PSD2: variants seen among roughly 807,000 people sequenced by gnomAD.
PSD2 encodes the protein PH and SEC7 domain-containing protein 2.
A neutral mutation model predicts 69.8 loss-of-function variants in PSD2; 38 were observed. The ratio of observed to expected loss-of-function variants is 0.54; its 90% CI spans 0.42 to 0.71. PSD2 has a LOEUF of 0.71. PSD2 is among the 30% of genes least tolerant of loss of function. PSD2 has a pLI of 0.00. For missense variants in PSD2, 943 were observed against 1,014.5 expected (o/e 0.93, Z 0.96); for synonymous variants, 412 against 423.0 (o/e 0.97, Z 0.32).
At chr5:139,834,818 C>T (rs931239144) in intron 8 of PSD2, among the ~76,000 whole-genome samples, 1 of 152,002 alleles carries the variant, frequency 6.6e-6, no homozygotes, top group Non-Finnish European at 1.5e-5. Flanking sequence ...CTATCCATTT[C>T]TCCCAAACTA....
chr5:139,789,996 G>T, the PSD2 span, among the ~76,000 whole-genome samples: 5 of 152,086 alleles, frequency 3.3e-5, no homozygotes, highest in African/African-American at 1.2e-4. Context: ...CACGGGGCCG[G>T]GCGGGCGCTG....
intron 2 of PSD2, among the ~76,000 whole-genome samples, chr5:139,810,858 G>A (rs1464078690): frequency 6.6e-6 from 1 of 152,126 alleles, no homozygotes; most frequent in Non-Finnish European, 1.5e-5. Context: ...CTTTACTTGG[G>A]ATGGCGAGGC....
chr5:139,797,680 A>G (rs1759565402), intron 1 of PSD2, among the ~76,000 whole-genome samples: 1 of 152,152 alleles, frequency 6.6e-6, no homozygotes, highest in Non-Finnish European at 1.5e-5. Context: ...GCTTCCACAT[A>G]TGGAGCATAT....
At chr5:139,838,813 C>T (rs1760802808) in intron 13 of PSD2, 41 bp downstream of exon 13, 1 of 1,593,018 alleles carries the variant, frequency 6.3e-7, no homozygotes, top group East Asian at 2.2e-5. Flanking sequence ...CCCAGGCTGC[C>T]ATCCTCAGCC....
intron 1 of PSD2, among the ~76,000 whole-genome samples, chr5:139,796,568 T>G (rs541309877): frequency 1.3e-5 from 2 of 152,142 alleles, no homozygotes; most frequent in East Asian, 3.9e-4. Context: ...AGGAGGCACA[T>G]AATGGCCGAG....
At chr5:139,754,625 A>T in the PSD2 span, among the ~76,000 whole-genome samples, 1 of 152,108 alleles carries the variant, frequency 6.6e-6, no homozygotes, top group Non-Finnish European at 1.5e-5. Context: ...TGATCCCAGG[A>T]GGTGGAGGCT....
rs1321585308 is a variant in PSD2, at chr5:139,837,205, A to C, written c.1632A>C (p.Ala544=). ...RGRRGWKKFY[A]VLKGTILYLQ... is the part of the protein sequence containing the mutation. ...GGCGTGGCTGGAAGAAATTCTACGC[A>C]GTGCTCAAAGGGACCATCCTGTACC... Residue 544 remains alanine (A), a synonymous_variant, in exon 11 of 15, where the codon GCA becomes GCC. Transcript: ENST00000274710. The surrounding 1 kb of genome is among the most constrained non-coding windows in gnomAD (Gnocchi z 5.0). 6.2e-7 allele frequency: 1 copy of C among 1,614,022 alleles called. No individual in the cohort carries two copies.
the PSD2 span, among the ~76,000 whole-genome samples, chr5:139,768,929 G>A: frequency 3.9e-4 from 59 of 152,246 alleles, no homozygotes; most frequent in South Asian, 8.5e-3. Flanking sequence ...GTGAACTCAT[G>A]CGTTCAGTCA....
At chr5:139,828,928 C>T (rs553635455) in intron 7 of PSD2, among the ~76,000 whole-genome samples, 4 of 150,140 alleles carry the variant, frequency 2.7e-5, no homozygotes, top group Non-Finnish European at 4.4e-5. Context: ...TGGTTGGACC[C>T]GCTGTGACTT....
chr5:139,809,578 A>G lies in PSD2; in HGVS notation c.138A>G (p.Pro46=). 1 of 1,614,168 alleles carries G rather than the reference A, an allele frequency of 6.2e-7. No homozygotes were observed. Among genetic ancestry groups the G allele is most frequent in the South Asian group, 1.1e-5 (1 of 91,078 alleles). ...SEGLNSSLCS[P]GHERRGTPAD... ...GCCTGAACAGCAGCCTCTGCAGCCC[A>G]GGGCACGAGCGAAGGGGCACCCCAG... The change falls in exon 2 of 15, where the codon CCA becomes CCG. Residue 46 remains proline (P), a synonymous_variant. Coordinates refer to ENST00000274710, the MANE Select transcript of PSD2 (RefSeq NM_032289.4).
intron 7 of PSD2, among the ~76,000 whole-genome samples, chr5:139,824,394 GT>G (rs3055525): frequency 1.6e-3 from 196 of 119,412 alleles, no homozygotes; most frequent in East Asian, 3.2e-3. Context: ...TCTCTCTCTT[GT>G]TTTTTTTTTT....
At chr5:139,832,883 T>G (rs1215699148) in intron 7 of PSD2, among the ~76,000 whole-genome samples, 1 of 152,210 alleles carries the variant, frequency 6.6e-6, no homozygotes, top group African/African-American at 2.4e-5. Context: ...CTGCTACTCA[T>G]TGGTTAAAAC....
At chr5:139,790,764 C>T in the PSD2 span, among the ~76,000 whole-genome samples, 2 of 151,816 alleles carry the variant, frequency 1.3e-5, no homozygotes, top group African/African-American at 4.8e-5. Context: ...TGGCCATGGC[C>T]GGGTGCTGTG....
chr5:139,764,381 C>T, the PSD2 span, among the ~76,000 whole-genome samples: 2 of 152,114 alleles, frequency 1.3e-5, no homozygotes, highest in South Asian at 2.1e-4. Flanking sequence ...GCAGCTGGGG[C>T]GCGTACGTAC....
upstream of PSD2, among the ~76,000 whole-genome samples, chr5:139,793,328 C>T (rs1273976153): frequency 1.3e-5 from 2 of 152,232 alleles, no homozygotes; most frequent in African/African-American, 4.8e-5. Flanking sequence ...GCACCCAGAA[C>T]ACTCACACAG....
Position 139,814,401 on chromosome 5 carries a change from A to T in PSD2, c.1016+37A>T, listed in dbSNP as rs1760066018. 6.5e-7 allele frequency: 1 copy of T among 1,535,324 alleles called. No homozygotes were observed. The highest frequency in any genetic ancestry group is 2.0e-5 in the Admixed American group (1 of 49,040). On this transcript the variant is annotated intron_variant, in intron 4 of 14. Transcript: ENST00000274710. This position sits in a 1 kb window ranked among gnomAD's most constrained non-coding sequence, Gnocchi z 4.4. ...CTCCCCTGCCCCCAACCCTGGGCAAACCTCGTGTCTTCCTCAACCTGAAGA... is the reference window on the plus strand; with the variant it reads ...CTCCCCTGCCCCCAACCCTGGGCAATCCTCGTGTCTTCCTCAACCTGAAGA...
chr5:139,751,724 A>G, the PSD2 span, among the ~76,000 whole-genome samples: 1 of 150,348 alleles, frequency 6.7e-6, no homozygotes, highest in South Asian at 2.1e-4. Context: ...GGAAGGAGAG[A>G]TGACCTCCAA....
At chr5:139,833,980 A>G (rs1011210801) in intron 8 of PSD2, among the ~76,000 whole-genome samples, 189 bp downstream of exon 8, 1 of 152,200 alleles carries the variant, frequency 6.6e-6, no homozygotes, top group Non-Finnish European at 1.5e-5. Flanking sequence ...GGCAGAGGGT[A>G]AGGCTTTGTG....
the PSD2 span, among the ~76,000 whole-genome samples, chr5:139,758,215 T>G: frequency 1.3e-5 from 2 of 152,178 alleles, no homozygotes; most frequent in East Asian, 1.9e-4. Flanking sequence ...GGTGGTGATC[T>G]GTGCTCACAA....
Sources: allele counts gnomAD v4.1 joint callset (sites outside exome capture counted in the v4.1 genomes callset), GRCh38; gene constraint gnomAD v4.1.1; non-coding constraint Gnocchi (gnomAD v3.1); transcripts MANE v1.5; gene names NCBI Gene and HGNC (gene_info 2026-07-23, HGNC 2026-07-21).